The following CACNA1A variants were observed in gnomAD, a reference collection of about 807,000 sequenced individuals.
The protein encoded by CACNA1A is voltage-dependent P/Q-type calcium channel subunit alpha-1A.
In CACNA1A, 57 loss-of-function variants were observed where a neutral mutation model predicts 262.4. The observed-to-expected ratio is 0.22, with a 90% CI of 0.18 to 0.27. The LOEUF is 0.27. Among genes scored for constraint, CACNA1A ranks in the 10% least tolerant of loss-of-function variants. The pLI, the probability that CACNA1A is intolerant of heterozygous loss-of-function variation, is 1.00. For missense variants in CACNA1A, 2,526 were observed against 3,562.8 expected (o/e 0.71, Z 7.41); for synonymous variants, 1,431 against 1,419.3 (o/e 1.01, Z -0.18).
chr19:13,466,703 AATCATC>A (rs918935146), intron 1 of CACNA1A, among the ~76,000 whole-genome samples: 5 of 150,610 alleles, frequency 3.3e-5, no homozygotes, highest in Non-Finnish European at 5.9e-5. Context: ...TAATAATAAT[AATCATC>A]ATCATCATCA....
intron 8 of CACNA1A, among the ~76,000 whole-genome samples, chr19:13,333,425 C>T (rs574073963): frequency 1.3e-5 from 2 of 152,122 alleles, no homozygotes; most frequent in Non-Finnish European, 2.9e-5. Context: ...CACCCTGCCT[C>T]TAACTTCCTA....
intron 22 of CACNA1A, 192 bp from the exon 23 acceptor site, chr19:13,277,320 G>T: frequency 1.9e-6 from 1 of 516,090 alleles, no homozygotes; most frequent in South Asian, 2.5e-5. Flanking sequence ...AGATTTGTAT[G>T]TTGTGAATGA....
chr19:13,314,719 C>T (rs1267141255), intron 11 of CACNA1A, among the ~76,000 whole-genome samples: 3 of 152,134 alleles, frequency 2.0e-5, no homozygotes, highest in South Asian at 2.1e-4. Flanking sequence ...TACAAATGAA[C>T]TAAGATATTT....
rs2054864283 is a variant in CACNA1A at position 13,212,776 on chromosome 19, G to C, written c.5941-36C>G. On this transcript the variant is annotated intron_variant, in intron 40 of 46. Transcript: ENST00000360228. This position sits in a 1 kb window ranked among gnomAD's most constrained non-coding sequence, Gnocchi z 5.6. The stretch of plus-strand genomic sequence containing the variant: ...GGGCAGAGAGCAGTGTGTGGACAAG[G>C]GTGGGGTGGTGGGACGGTGGTACCC... The C allele has an allele frequency of 2.7e-6, 3 of 1,091,286 alleles. No individual in the cohort carries two copies. Among genetic ancestry groups the C allele is most frequent in the East Asian group, 2.5e-5 (1 of 39,402 alleles). 67.6% of individuals were successfully genotyped at this position (1,091,286 alleles called of 1,614,324 possible).
chr19:13,277,135 G>T lies in CACNA1A; in HGVS notation c.3823-7C>A. 6.2e-7 allele frequency: 1 copy of T among 1,608,392 alleles called. No homozygotes were observed. The highest frequency in any genetic ancestry group is 8.5e-7 in the Non-Finnish European group (1 of 1,175,044). Reference sequence around the variant, plus strand: ...AGTCAAAGTATCGCAGCACCTGTAAGGGATAAAAGCAAGAGAGCAGTGGAT... The same window carrying T: ...AGTCAAAGTATCGCAGCACCTGTAATGGATAAAAGCAAGAGAGCAGTGGAT... On this transcript the variant is annotated splice_region_variant and splice_polypyrimidine_tract_variant and intron_variant, in intron 22 of 46. Transcript: ENST00000360228.
At chr19:13,453,910 G>A (rs1256022140) in intron 2 of CACNA1A, among the ~76,000 whole-genome samples, 1 of 152,008 alleles carries the variant, frequency 6.6e-6, no homozygotes, top group Admixed American at 6.6e-5. Context: ...AAAATGCAAA[G>A]ATCTAGAAAT....
chr19:13,404,186 A>C (rs537471944), intron 3 of CACNA1A, among the ~76,000 whole-genome samples: 1 of 147,992 alleles, frequency 6.8e-6, no homozygotes, highest in African/African-American at 2.6e-5. Context: ...ATATATACAC[A>C]TATACACACA....
At chr19:13,285,486 G>A (rs1323989352) in intron 20 of CACNA1A, among the ~76,000 whole-genome samples, 1 of 152,042 alleles carries the variant, frequency 6.6e-6, no homozygotes, top group Non-Finnish European at 1.5e-5. Flanking sequence ...TGGAACCCAG[G>A]CGGCCTGGCC....
In CACNA1A at chr19:13,234,792, G is replaced by A. The variant is rs1177826213; in HGVS notation, c.5249+129C>T. 8.7e-6 allele frequency: 6 copies of A among 685,958 alleles called. No individual in the cohort carries two copies. The African/African-American group carries it at 8.9e-5, about 10-fold the overall frequency. 42.5% of individuals were successfully genotyped at this position (685,958 alleles called of 1,614,324 possible). On this transcript the variant is annotated intron_variant, in intron 34 of 46. Coordinates refer to ENST00000360228, the MANE Select transcript of CACNA1A (RefSeq NM_001127222.2). ...AAAAGAAGGGTGAGGGCGCGCCCCT[G>A]CCAGAAGAGAAGGAGGAGGGCACGT...
At chr19:13,438,118 C>T (rs113777867) in intron 3 of CACNA1A, among the ~76,000 whole-genome samples, 1 of 152,204 alleles carries the variant, frequency 6.6e-6, no homozygotes, top group South Asian at 2.1e-4. Context: ...ACATTTTTTC[C>T]TCCTTTTCTC....
rs748418783 is a variant in CACNA1A at position 13,298,709 on chromosome 19, C to T, written c.2924G>A (p.Arg975Gln). Residue 975 changes from arginine (R) to glutamine (Q), a missense_variant, in exon 19 of 47, where the codon CGG becomes CAG. Around this residue, in one of 17 missense-constraint regions of CACNA1A, gnomAD observed 765 missense variants for 748.6 expected, o/e 1.02. Coordinates refer to ENST00000360228, the MANE Select transcript of CACNA1A (RefSeq NM_001127222.2). ...GEEGPEDKAE[R>Q]RARHREGSRP... ...GCTGCCCTCGCGGTGCCGCGCCCTC[C>T]GCTCCGCCTTGTCCTCCGGACCCTC... The T allele has an allele frequency of 2.0e-6, 3 of 1,466,380 alleles. No homozygotes were observed. Among genetic ancestry groups the T allele is most frequent in the African/African-American group, 1.5e-5 (1 of 67,156 alleles). The allele number at this position is 1,466,380 out of a possible 1,614,324, so 90.8% of individuals were successfully genotyped here.
intron 3 of CACNA1A, among the ~76,000 whole-genome samples, chr19:13,412,044 G>A (rs2060120288): frequency 1.3e-5 from 2 of 151,654 alleles, no homozygotes; most frequent in Non-Finnish European, 2.9e-5. Flanking sequence ...TTCATACTCA[G>A]TTGAGTCTGC....
At chr19:13,378,869 A>G (rs1034597461) in intron 3 of CACNA1A, among the ~76,000 whole-genome samples, 2 of 150,526 alleles carry the variant, frequency 1.3e-5, no homozygotes, top group South Asian at 4.2e-4. Flanking sequence ...GGGTTTCACC[A>G]TGTTGGCTGG....
chr19:13,313,956 C>T (rs2058080266), intron 11 of CACNA1A, among the ~76,000 whole-genome samples: 2 of 152,184 alleles, frequency 1.3e-5, no homozygotes, highest in Non-Finnish European at 2.9e-5. Context: ...GAAAACTTGT[C>T]TTATGTCCCC....
At chr19:13,485,406 G>A (rs898900323) in intron 1 of CACNA1A, among the ~76,000 whole-genome samples, 1 of 152,074 alleles carries the variant, frequency 6.6e-6, no homozygotes, top group Admixed American at 6.6e-5. Flanking sequence ...ATTAAGAACT[G>A]TTGGTGATCA....
At position 13,365,351 on chromosome 19, in the gene CACNA1A, T is replaced by C. The variant is rs1433084480; in HGVS notation, c.750A>G (p.Gly250=). The change falls in exon 5 of 47, where the codon GGA becomes GGG. Residue 250 remains glycine, a synonymous_variant. Transcript: ENST00000360228. ...CTTCAAAGCAGGTGGTATGAAATTT[T>C]CCCATATAAAATTCTAACCCTATGA... ...FAIIGLEFYM[G]KFHTTCFEEG... 6.2e-7 allele frequency: 1 copy of C among 1,613,444 alleles called. No homozygotes were observed. The highest frequency in any genetic ancestry group is 8.5e-7 in the Non-Finnish European group (1 of 1,179,616).
intron 19 of CACNA1A, among the ~76,000 whole-genome samples, chr19:13,295,205 T>C (rs1025605259): frequency 5.3e-5 from 8 of 152,164 alleles, no homozygotes; most frequent in Non-Finnish European, 7.3e-5. Flanking sequence ...CATAAACCCA[T>C]AGGAGAAGAT....
At chr19:13,497,855 G>T (rs989550134) in intron 1 of CACNA1A, among the ~76,000 whole-genome samples, 1 of 151,830 alleles carries the variant, frequency 6.6e-6, no homozygotes, top group Non-Finnish European at 1.5e-5. Context: ...TCGGACATAG[G>T]ACTACTGTCC....
Position 13,290,752 on chromosome 19 carries a change from T to TACACATATATATACAC in CACNA1A, c.3090-3802_3090-3787dup, listed in dbSNP as rs1277547052. ...GTGTATATATGTGTATATATATACA[T>TACACATATATATACAC]ACACATATATATACACATTTCAGAG... On this transcript the variant is annotated intron_variant, in intron 19 of 46. Coordinates refer to ENST00000360228, the MANE Select transcript of CACNA1A (RefSeq NM_001127222.2). Among the ~76,000 whole-genome samples, 3 of 147,458 alleles carry TACACATATATATACAC rather than the reference T, an allele frequency of 2.0e-5. No individual in the cohort carries two copies. In the Admixed American group the frequency reaches 2.1e-4, roughly 10 times the overall value.
Sources: gnomAD v4.1 joint callset for allele counts (sites outside exome capture counted in the v4.1 genomes callset) on GRCh38, gnomAD v4.1.1 for gene constraint, gnomAD v4.1.1 regional missense constraint, Gnocchi (gnomAD v3.1) non-coding constraint, MANE v1.5 for transcripts, NCBI Gene and HGNC (gene_info 2026-07-23, HGNC 2026-07-21) for gene names.